Variants in ABCG5 observed in about 807,000 individuals in gnomAD.
ABCG5 encodes ATP binding cassette subfamily G member 5.
A neutral mutation model predicts 64.5 loss-of-function variants in ABCG5; 64 were observed. That is an observed-to-expected ratio of 0.99 (90% CI 0.81 to 1.22). The LOEUF is 1.22. Among genes scored for constraint, ABCG5 ranks in the 50% most tolerant of loss-of-function variants. ABCG5 has a pLI of 0.00. For missense variants in ABCG5, 908 were observed against 829.5 expected, an observed-to-expected ratio of 1.09 and a Z score of -1.16; for synonymous variants, 385 against 326.3, an observed-to-expected ratio of 1.18 and a Z score of -1.94.
At chr2:43,834,034 G>C (rs1278694643) in intron 2 of ABCG5, among the ~76,000 whole-genome samples, 2 of 152,178 alleles carry the variant, frequency 1.3e-5, no homozygotes, top group African/African-American at 4.8e-5. Flanking sequence ...GAGGTACAAA[G>C]ATGAATCAAC....
chr2:43,817,910 AAAAC>A (rs377315059), intron 11 of ABCG5, among the ~76,000 whole-genome samples: 200 of 152,158 alleles, frequency 1.3e-3, no homozygotes, highest in Admixed American at 3.6e-3. Context: ...ATTCCCTCTC[AAAAC>A]AAACAAACAA....
chr2:43,838,744 T>A lies in ABCG5; in HGVS notation c.-65A>T. On this transcript the variant is annotated 5_prime_UTR_variant, in exon 1 of 13. Transcript: ENST00000405322. This position sits in a 1 kb window ranked among gnomAD's most constrained non-coding sequence, Gnocchi z 4.2. ...CGGACCCTCCCCAGAGTGGCTTCAG[T>A]TGGGGAGCCCGTGGCAGACTGCCCT... 6.3e-7 allele frequency: 1 copy of A among 1,591,056 alleles called. No homozygotes were observed. Among genetic ancestry groups the A allele is most frequent in the Non-Finnish European group, 8.5e-7 (1 of 1,169,636 alleles).
intron 10 of ABCG5, among the ~76,000 whole-genome samples, chr2:43,820,998 C>A (rs1287658900): frequency 6.6e-6 from 1 of 151,908 alleles, no homozygotes; most frequent in Non-Finnish European, 1.5e-5. Flanking sequence ...ATCCATGCAC[C>A]TTTCCTCTTA....
At chr2:43,822,130 T>C (rs1021689112) in intron 10 of ABCG5, among the ~76,000 whole-genome samples, 2 of 152,190 alleles carry the variant, frequency 1.3e-5, no homozygotes, top group African/African-American at 4.8e-5. Flanking sequence ...CATCCTACCC[T>C]GTAACACCAA....
chr2:43,826,544 C>T (rs747876778), intron 5 of ABCG5, 23 bp from the exon 6 acceptor site: 3 of 1,614,142 alleles, frequency 1.9e-6, no homozygotes, highest in Admixed American at 1.7e-5. Flanking sequence ...AAGGGCCAGA[C>T]TTCTAAGGTA....
chr2:43,838,656 G>A lies in ABCG5; in HGVS notation c.24C>T (p.Thr8=), dbSNP rs910672789. Residue 8 remains threonine (T), a synonymous_variant, in exon 1 of 13, where the codon ACC becomes ACT. Transcript: ENST00000405322. The surrounding 1 kb of genome is among the most constrained non-coding windows in gnomAD (Gnocchi z 4.2). MGDLSSL[T]PGGSMGLQVN... is the part of the protein sequence containing the mutation. ...CTTGGAGACCCATGGACCCTCCGGG[G>A]GTCAAAGATGAGAGGTCACCCATGG... The A allele has an allele frequency of 1.9e-6, 3 of 1,613,644 alleles. No individual in the cohort carries two copies. Among genetic ancestry groups the A allele is most frequent in the East Asian group, 2.2e-5 (1 of 44,842 alleles).
At chr2:43,831,908 G>C in intron 3 of ABCG5, 39 bp downstream of exon 3, 1 of 1,548,076 alleles carries the variant, frequency 6.5e-7, no homozygotes. Context: ...AAGCCCCCGG[G>C]GCGGGCGGGG....
chr2:43,814,048 G>C (rs1666661853), intron 12 of ABCG5, among the ~76,000 whole-genome samples: 1 of 152,056 alleles, frequency 6.6e-6, no homozygotes, highest in Non-Finnish European at 1.5e-5. Flanking sequence ...TGAGGTCCTT[G>C]TCTTGGTTCT....
chr2:43,836,495 T>G (rs1668276228), intron 2 of ABCG5, among the ~76,000 whole-genome samples: 1 of 152,176 alleles, frequency 6.6e-6, no homozygotes, highest in Non-Finnish European at 1.5e-5. Context: ...GCTTTTAACC[T>G]TAAAATGTAG....
At chr2:43,818,227 G>A (rs1228508689) in intron 11 of ABCG5, among the ~76,000 whole-genome samples, 2 of 152,036 alleles carry the variant, frequency 1.3e-5, no homozygotes, top group African/African-American at 2.4e-5. Context: ...CGAGGTGGGC[G>A]AATCACTTGA....
intron 11 of ABCG5, among the ~76,000 whole-genome samples, chr2:43,816,690 C>T (rs766729605): frequency 1.8e-4 from 27 of 152,016 alleles, no homozygotes; most frequent in Non-Finnish European, 3.8e-4. Context: ...ATTACAGGCA[C>T]GTGACACCAC....
intron 7 of ABCG5, 48 bp downstream of exon 7, chr2:43,824,841 G>A (rs773384981): frequency 6.2e-7 from 1 of 1,610,096 alleles, no homozygotes; most frequent in South Asian, 1.1e-5. Context: ...TCTGAGATGA[G>A]AAAGTTTAAA....
intron 10 of ABCG5, among the ~76,000 whole-genome samples, chr2:43,820,537 G>C (rs1319658017): frequency 6.6e-6 from 1 of 152,068 alleles, no homozygotes; most frequent in Non-Finnish European, 1.5e-5. Flanking sequence ...CTGTTATATG[G>C]GATTATTGCC....
downstream of ABCG5, among the ~76,000 whole-genome samples, chr2:43,808,913 C>G (rs187850371): frequency 6.6e-6 from 1 of 151,880 alleles, no homozygotes; most frequent in African/African-American, 2.4e-5. Flanking sequence ...GTGCATTGCT[C>G]TATTGTTATG....
intron 2 of ABCG5, among the ~76,000 whole-genome samples, chr2:43,836,406 G>C (rs932854948): frequency 2.0e-5 from 3 of 152,194 alleles, no homozygotes; most frequent in African/African-American, 7.2e-5. Flanking sequence ...AATAACACAA[G>C]TAGAGAGTGG....
At chr2:43,837,724 T>C (rs922197919) in intron 2 of ABCG5, 110 bp downstream of exon 2, 11 of 1,428,876 alleles carry the variant, frequency 7.7e-6, no homozygotes, top group Non-Finnish European at 1.1e-5. Flanking sequence ...ATCAATAGAA[T>C]TCATTCTAAT....
downstream of ABCG5, among the ~76,000 whole-genome samples, chr2:43,811,957 T>A (rs759797167): frequency 1.3e-5 from 2 of 152,234 alleles, no homozygotes; most frequent in Admixed American, 1.3e-4. Flanking sequence ...TACAGGTGTC[T>A]GTATTTATAC....
chr2:43,818,242 G>A (rs1666970525), intron 11 of ABCG5, among the ~76,000 whole-genome samples: 1 of 151,952 alleles, frequency 6.6e-6, no homozygotes, highest in Non-Finnish European at 1.5e-5. Context: ...ACTTGAGGTC[G>A]AGACTAGCCT....
At chr2:43,817,096 G>A (rs1257154617) in intron 11 of ABCG5, among the ~76,000 whole-genome samples, 1 of 152,184 alleles carries the variant, frequency 6.6e-6, no homozygotes, top group Admixed American at 6.5e-5. Context: ...TTAATTTTCA[G>A]CGATGGAAGT....
Sources: gnomAD v4.1 joint callset for allele counts (sites outside exome capture counted in the v4.1 genomes callset) on GRCh38, gnomAD v4.1.1 for gene constraint, Gnocchi (gnomAD v3.1) non-coding constraint, MANE v1.5 for transcripts, NCBI Gene and HGNC (gene_info 2026-07-23, HGNC 2026-07-21) for gene names.